UHRF2: variants seen among roughly 807,000 people sequenced by gnomAD.
The protein encoded by UHRF2 is ubiquitin like with PHD and ring finger domains 2.
In UHRF2, 23 loss-of-function variants were observed where a neutral mutation model predicts 96.8. That is an observed-to-expected ratio of 0.24 (90% confidence interval 0.17 to 0.34). The LOEUF (loss-of-function observed/expected upper bound fraction) is 0.34, where lower values mean the gene tolerates loss of function less well. UHRF2 is among the 10% of genes least tolerant of loss of function. The probability of loss-of-function intolerance (pLI) is 1.00; values close to 1 mark genes in which losing one functional copy is unlikely to be tolerated. For missense variants in UHRF2, 685 were observed against 981.5 expected, an observed-to-expected ratio of 0.70 and a Z score of 4.04; for synonymous variants, 385 against 332.6, an observed-to-expected ratio of 1.16 and a Z score of -1.72.
rs979945349 is a variant in UHRF2, at chr9:6,481,912, C to G, written c.1285-80C>G. ...CTTAAATTACATAAACAGTTGGGTT[C>G]CTAGTCACATCTCAGAATTAAGGGC... is the stretch of plus-strand genomic sequence containing the variant. On this transcript the variant is annotated intron_variant, in intron 7 of 15. Transcript: ENST00000276893. 3.9e-6 allele frequency: 6 copies of G among 1,554,560 alleles called. No homozygotes were observed. The African/African-American group carries it at 8.2e-5, about 21-fold the overall frequency.
chr9:6,451,711 TC>T (rs1427880011), intron 3 of UHRF2, among the ~76,000 whole-genome samples: 1 of 152,162 alleles, frequency 6.6e-6, no homozygotes, highest in Non-Finnish European at 1.5e-5. Context: ...GACCTCGTGA[TC>T]CGCCTTTCTC....
chr9:6,485,606 C>G (rs1461127901), intron 8 of UHRF2, among the ~76,000 whole-genome samples: 1 of 109,474 alleles, frequency 9.1e-6, no homozygotes, highest in African/African-American at 3.4e-5. Flanking sequence ...AAGTGCCTTT[C>G]CACCCCCGCC....
At chr9:6,444,921 G>A (rs1018455065) in intron 3 of UHRF2, among the ~76,000 whole-genome samples, 56 of 151,628 alleles carry the variant, frequency 3.7e-4, no homozygotes, top group African/African-American at 1.3e-3. Context: ...GCTTTTCAAA[G>A]AGGTACCACG....
chr9:6,468,828 G>A, intron 4 of UHRF2: 1 of 380,136 alleles, frequency 2.6e-6, no homozygotes, highest in Non-Finnish European at 5.2e-6. Flanking sequence ...AGGCATACAG[G>A]TAGACTAAAT....
intron 3 of UHRF2, among the ~76,000 whole-genome samples, chr9:6,446,141 C>T (rs965718712): frequency 2.8e-5 from 4 of 142,544 alleles, no homozygotes; most frequent in South Asian, 4.8e-4. Context: ...TACAGGCATA[C>T]GTCACCTCAC....
At chr9:6,504,054 C>G (rs1816450178) in intron 14 of UHRF2, among the ~76,000 whole-genome samples, 1 of 114,292 alleles carries the variant, frequency 8.7e-6, no homozygotes, top group African/African-American at 3.7e-5. Flanking sequence ...AAGACCGAGT[C>G]TCGCTCTGTC....
chr9:6,489,125 A>G (rs918339771), intron 9 of UHRF2, among the ~76,000 whole-genome samples: 5 of 152,014 alleles, frequency 3.3e-5, no homozygotes, highest in Admixed American at 2.0e-4. Flanking sequence ...TCTTCCTGTA[A>G]TTTTCTCACT....
At chr9:6,415,985 C>G (rs1459800019) in intron 1 of UHRF2, among the ~76,000 whole-genome samples, 1 of 152,202 alleles carries the variant, frequency 6.6e-6, no homozygotes, top group Non-Finnish European at 1.5e-5. Flanking sequence ...GAAGCAGAAT[C>G]TGTATTTTAA....
intron 4 of UHRF2, among the ~76,000 whole-genome samples, chr9:6,466,594 C>T (rs1390622105): frequency 6.9e-6 from 1 of 145,056 alleles, no homozygotes; most frequent in African/African-American, 2.5e-5. Context: ...ATTTTAGGTT[C>T]AGTGTCATTT....
At chr9:6,497,432 T>TCAACA in intron 11 of UHRF2, 72 bp downstream of exon 11, 1 of 1,543,660 alleles carries the variant, frequency 6.5e-7, no homozygotes, top group Non-Finnish European at 8.8e-7. Flanking sequence ...TGCAAGGAAC[T>TCAACA]ACTGTGGGTG....
chr9:6,414,551 T>C (rs1819480068), intron 1 of UHRF2, among the ~76,000 whole-genome samples: 1 of 152,216 alleles, frequency 6.6e-6, no homozygotes, highest in African/African-American at 2.4e-5. Context: ...TCTATATCCC[T>C]AGCCACTCAG....
At position 6,444,605 on chromosome 9, in the gene UHRF2, C is replaced by CT. The variant is rs543128843; in HGVS notation, c.644+10441dup. ...GCCTTGGGTAGGGCCTAAGAATCCG[C>CT]TTTTTTTTTGGTTTAGACTGAGTCT... On this transcript the variant is annotated intron_variant, in intron 3 of 15. Transcript: ENST00000276893. Among the ~76,000 whole-genome samples, 144 of 150,906 alleles carry CT rather than the reference C, an allele frequency of 9.5e-4. 2 individuals carry two copies. The Middle Eastern group carries it at 0.017, about 18-fold the overall frequency.
rs1260221529 is a variant in UHRF2 at position 6,481,697 on chromosome 9, A to G, written c.1215A>G (p.Arg405=). Residue 405 remains arginine, a synonymous_variant, in exon 7 of 16, where the codon AGA becomes AGG. Transcript: ENST00000276893. ...GTGAAGTTGTAAAGGCTGGTGAAAG[A>G]CTCAAGATGAGTAAAAAGAAAGCAA... ...DSSEVVKAGE[R]LKMSKKKAKM... is the part of the protein sequence containing the mutation. The G allele has an allele frequency of 6.2e-7, 1 of 1,613,854 alleles. No homozygotes were observed. The highest frequency in any genetic ancestry group is 8.5e-7 in the Non-Finnish European group (1 of 1,179,852).
intron 4 of UHRF2, among the ~76,000 whole-genome samples, chr9:6,461,985 A>G (rs1822570458): frequency 6.6e-6 from 1 of 151,574 alleles, no homozygotes; most frequent in South Asian, 2.1e-4. Flanking sequence ...TAACCCTGAC[A>G]ATTTTTGTTT....
At position 6,493,323 on chromosome 9, in the gene UHRF2, T is replaced by C. The variant is rs147625533; in HGVS notation, c.1498-503T>C. Among the ~76,000 whole-genome samples, 400 of 152,204 alleles carry C rather than the reference T, an allele frequency of 2.6e-3. 2 individuals carry two copies. The highest frequency in any genetic ancestry group is 4.9e-3 in the Non-Finnish European group (334 of 67,986). The stretch of plus-strand genomic sequence containing the variant: ...AAAAAAAAAAGTTAAGGTGAAGTTT[T>C]TAGGTAAATTTGCTTTTGTAGTACT... On this transcript the variant is annotated intron_variant, in intron 9 of 15. Transcript: ENST00000276893.
At chr9:6,491,572 C>G (rs1001649445) in intron 9 of UHRF2, among the ~76,000 whole-genome samples, 2 of 152,206 alleles carry the variant, frequency 1.3e-5, no homozygotes, top group African/African-American at 4.8e-5. Flanking sequence ...AATTATTTAT[C>G]TGATAGTCTA....
At chr9:6,424,153 G>C (rs1820103022) in intron 2 of UHRF2, among the ~76,000 whole-genome samples, 1 of 152,072 alleles carries the variant, frequency 6.6e-6, no homozygotes. Context: ...TATTAGAGAA[G>C]GCAAAGTTGC....
At chr9:6,468,348 C>T (rs1404563654) in intron 4 of UHRF2, 2 of 428,610 alleles carry the variant, frequency 4.7e-6, no homozygotes, top group Admixed American at 5.0e-5. Flanking sequence ...CACCTGTTTG[C>T]AGGTAGGGTG....
chr9:6,453,733 T>A (rs2130826059), intron 3 of UHRF2, among the ~76,000 whole-genome samples: 1 of 152,120 alleles, frequency 6.6e-6, no homozygotes, highest in African/African-American at 2.4e-5. Context: ...TGAAACCCCG[T>A]CTCTACTAAA....
Sources: allele counts gnomAD v4.1 joint callset (sites outside exome capture counted in the v4.1 genomes callset), GRCh38; gene constraint gnomAD v4.1.1; transcripts MANE v1.5; gene names NCBI Gene and HGNC (gene_info 2026-07-23, HGNC 2026-07-21).